ZNF423: variants seen among roughly 807,000 people sequenced by gnomAD.
The protein encoded by ZNF423 is Ebf-associated zinc finger protein.
In ZNF423, 12 loss-of-function variants were observed where a neutral mutation model predicts 95.8. The observed-to-expected ratio is 0.13, with a 90% CI of 0.08 to 0.20. The LOEUF is 0.20. Among genes scored for constraint, ZNF423 ranks in the 10% least tolerant of loss-of-function variants. The pLI is 1.00. For synonymous variants in ZNF423, 749 were observed against 711.9 expected, an observed-to-expected ratio of 1.05 and a Z score of -0.83; for missense variants, 1,316 against 1,737.1, an observed-to-expected ratio of 0.76 and a Z score of 4.31.
intron 1 of ZNF423, among the ~76,000 whole-genome samples, chr16:49,789,923 G>A (rs994460913): frequency 6.6e-6 from 1 of 152,076 alleles, no homozygotes; most frequent in Non-Finnish European, 1.5e-5. Context: ...CTCAGGACAC[G>A]CTGAGGTCAA....
At chr16:49,753,438 G>GAA (rs35833357) in intron 2 of ZNF423, among the ~76,000 whole-genome samples, 4 of 130,942 alleles carry the variant, frequency 3.1e-5, no homozygotes, top group Admixed American at 7.7e-5. Flanking sequence ...CCTGTCTACA[G>GAA]AAAAAAAAAA....
chr16:49,789,361 T>C, intron 2 of ZNF423, 126 bp downstream of exon 2: 2 of 845,206 alleles, frequency 2.4e-6, no homozygotes, highest in South Asian at 1.7e-5. Context: ...CATGGGGTAG[T>C]CTGGATTGGA....
Position 49,636,391 on chromosome 16 carries a change from T to G in ZNF423, c.2785A>C (p.Lys929Gln), listed in dbSNP as rs981912101. Residue 929 changes from lysine (K) to glutamine (Q), a missense_variant, in exon 4 of 8, where the codon AAG becomes CAG. Transcript: ENST00000563137. The surrounding 1 kb of genome is among the most constrained non-coding windows in gnomAD (Gnocchi z 8.6). The part of the protein sequence containing the change: ...IRPGEDDGSR[K>Q]KAEFIKGSHK... ...CTGCCCTTGATAAACTCAGCCTTCTTGCGTGAGCCATCATCCTCGCCCGGC... is the reference window on the plus strand; with the variant it reads ...CTGCCCTTGATAAACTCAGCCTTCTGGCGTGAGCCATCATCCTCGCCCGGC... 6.2e-7 allele frequency: 1 copy of G among 1,613,054 alleles called. No homozygotes were observed. The highest frequency in any genetic ancestry group is 8.5e-7 in the Non-Finnish European group (1 of 1,180,032).
chr16:49,856,023 G>C lies in ZNF423; in HGVS notation c.-249C>G, dbSNP rs1356008545. On this transcript the variant is annotated 5_prime_UTR_variant, in exon 1 of 8. Coordinates refer to ENST00000563137, the MANE Select transcript of ZNF423 (RefSeq NM_001379286.1). ...CGGGGGGCGCGCCGGGGCCCTGCCT[G>C]TTGCAATGCGGCAGTCCGGGGCTCC... 6.9e-6 allele frequency: 1 copy of C among 144,248 alleles called. No individual in the cohort carries two copies. The highest frequency in any genetic ancestry group is 1.5e-5 in the Non-Finnish European group (1 of 66,254). The allele number at this position is 144,248 out of a possible 1,614,324, so 8.9% of individuals were successfully genotyped here.
chr16:49,672,516 C>T (rs1459938503), intron 3 of ZNF423, among the ~76,000 whole-genome samples: 4 of 152,014 alleles, frequency 2.6e-5, no homozygotes, highest in Non-Finnish European at 5.9e-5. Context: ...TACGGAGCTG[C>T]AGTTTAAAAG....
intron 3 of ZNF423, among the ~76,000 whole-genome samples, chr16:49,692,313 G>A (rs1567293671): frequency 1.3e-5 from 2 of 152,064 alleles, no homozygotes; most frequent in African/African-American, 2.4e-5. Context: ...TGGGCTATAA[G>A]GGGGAAAACG....
intron 3 of ZNF423, among the ~76,000 whole-genome samples, chr16:49,708,713 G>A (rs758585833): frequency 3.9e-5 from 6 of 152,138 alleles, no homozygotes; most frequent in Non-Finnish European, 7.3e-5. Flanking sequence ...GGCCATGGAT[G>A]TACCTTCCCC....
At chr16:49,639,013 G>A (rs920091009) in intron 3 of ZNF423, 139 bp from the exon 4 acceptor site, 15 of 1,437,488 alleles carry the variant, frequency 1.0e-5, no homozygotes, top group Non-Finnish European at 1.4e-5. Flanking sequence ...GGGAGGGGCA[G>A]GGGCCGGAAG....
intron 5 of ZNF423, among the ~76,000 whole-genome samples, chr16:49,563,512 T>G (rs11642983): frequency 0.15 from 22,885 of 152,240 alleles, 1,829 homozygotes; most frequent in Admixed American, 0.18. Context: ...ATATCTCACT[T>G]AATCTTCACA....
Position 49,638,463 on chromosome 16 carries a change from C to T in ZNF423, c.713G>A (p.Gly238Asp), listed in dbSNP as rs1477894636. 1.2e-6 allele frequency: 2 copies of T among 1,613,782 alleles called. No homozygotes were observed. The highest frequency in any genetic ancestry group is 2.7e-5 in the African/African-American group (2 of 74,918). The change falls in exon 4 of 8, where the codon GGC becomes GAC. Residue 238 changes from glycine (G) to aspartate (D), a missense_variant. Gly to Asp is a moderately conservative substitution (Grantham distance 94). Coordinates refer to ENST00000563137, the MANE Select transcript of ZNF423 (RefSeq NM_001379286.1). This position sits in a 1 kb window ranked among gnomAD's most constrained non-coding sequence, Gnocchi z 5.6. Reference sequence around the variant, plus strand: ...CTGCAGCGAGCTGGTGGAGGAGAAGCCGCGCTTGCACACAGTGCACTTGAA... The same window carrying T: ...CTGCAGCGAGCTGGTGGAGGAGAAGTCGCGCTTGCACACAGTGCACTTGAA... ...KPFKCTVCKR[G>D]FSSTSSLQSH...
intron 7 of ZNF423, among the ~76,000 whole-genome samples, chr16:49,497,758 C>G (rs1597000704): frequency 6.6e-6 from 1 of 152,252 alleles, no homozygotes; most frequent in East Asian, 1.9e-4. Flanking sequence ...ACCTTAACCA[C>G]TGAGAGATTC....
At chr16:49,840,804 G>T (rs957950877) in intron 1 of ZNF423, among the ~76,000 whole-genome samples, 5 of 152,152 alleles carry the variant, frequency 3.3e-5, no homozygotes, top group African/African-American at 1.2e-4. Context: ...GCACAGTCAT[G>T]CATGCACACT....
rs1297248824 is a variant in ZNF423 at position 49,855,821 on chromosome 16, C to G, written c.-47G>C. On this transcript the variant is annotated 5_prime_UTR_variant, in exon 1 of 8. Transcript: ENST00000563137. The surrounding 1 kb of genome is among the most constrained non-coding windows in gnomAD (Gnocchi z 4.7). ...GTCGCCCTCCGCAGCCGGCTCCCCCCGCCGCCCCCCGCCGCTCCGGGCAGC... is the reference window on the plus strand; with the variant it reads ...GTCGCCCTCCGCAGCCGGCTCCCCCGGCCGCCCCCCGCCGCTCCGGGCAGC... 1 of 152,200 alleles carries G rather than the reference C, an allele frequency of 6.6e-6. No individual in the cohort carries two copies. The highest frequency in any genetic ancestry group is 1.5e-5 in the Non-Finnish European group (1 of 68,218). 9.4% of individuals were successfully genotyped at this position (152,200 alleles called of 1,614,324 possible).
chr16:49,589,328 T>C (rs1970935450), intron 5 of ZNF423, among the ~76,000 whole-genome samples: 1 of 152,176 alleles, frequency 6.6e-6, no homozygotes, highest in Admixed American at 6.5e-5. Flanking sequence ...TTAATATTAG[T>C]TTATAAACAT....
chr16:49,796,594 G>A (rs1394003200), intron 1 of ZNF423, among the ~76,000 whole-genome samples: 1 of 152,214 alleles, frequency 6.6e-6, no homozygotes, highest in Non-Finnish European at 1.5e-5. Flanking sequence ...CAGGTCAAAG[G>A]CAGGAAAGCT....
intron 7 of ZNF423, among the ~76,000 whole-genome samples, chr16:49,498,133 T>C (rs1967237370): frequency 6.6e-6 from 1 of 152,194 alleles, no homozygotes; most frequent in Non-Finnish European, 1.5e-5. Flanking sequence ...CTAACACTGA[T>C]GGTAGGCTCA....
Position 49,518,080 on chromosome 16 carries a change from A to G in ZNF423, c.3849+5544T>C, listed in dbSNP as rs74574312. ...TCTGGAGGAGCATAACCAGGATCAC[A>G]CTGACAATGGAAAAGTTCATTGCAA... On this transcript the variant is annotated intron_variant, in intron 7 of 7. Transcript: ENST00000563137. 6.1e-3 allele frequency: 2,757 copies of G among 448,440 alleles called. 69 individuals carry two copies. Among genetic ancestry groups the G allele is most frequent in the African/African-American group, 0.05 (2,499 of 49,774 alleles). 27.8% of individuals were successfully genotyped at this position (448,440 alleles called of 1,614,324 possible).
chr16:49,555,485 G>A (rs574572436), intron 5 of ZNF423, among the ~76,000 whole-genome samples: 3 of 152,360 alleles, frequency 2.0e-5, no homozygotes, highest in East Asian at 1.9e-4. Flanking sequence ...TTTTGTAGAC[G>A]AAAGGGTTAA....
At chr16:49,520,403 G>T (rs1030546872) in intron 7 of ZNF423, among the ~76,000 whole-genome samples, 1 of 97,368 alleles carries the variant, frequency 1.0e-5, no homozygotes, top group Non-Finnish European at 2.1e-5. Flanking sequence ...TCCTGTTAAC[G>T]CAACCTAAGA....
Sources: allele counts gnomAD v4.1 joint callset (sites outside exome capture counted in the v4.1 genomes callset), GRCh38; gene constraint gnomAD v4.1.1; non-coding constraint Gnocchi (gnomAD v3.1); transcripts MANE v1.5; gene names NCBI Gene and HGNC (gene_info 2026-07-23, HGNC 2026-07-21).